SYNGR4: variants seen among roughly 807,000 people sequenced by gnomAD.
The protein encoded by SYNGR4 is synaptogyrin-4.
A neutral mutation model predicts 15.5 loss-of-function variants in SYNGR4; 15 were observed. The ratio of observed to expected loss-of-function variants is 0.97; its 90% CI spans 0.65 to 1.49. The LOEUF (loss-of-function observed/expected upper bound fraction) is 1.49. Among genes scored for constraint, SYNGR4 ranks in the 40% most tolerant of loss-of-function variants. SYNGR4 has a pLI of 0.00. For synonymous variants in SYNGR4, 121 were observed against 127.4 expected (o/e 0.95, Z 0.34); for missense variants, 292 against 299.3 (o/e 0.98, Z 0.18).
At chr19:48,370,682 C>T (rs1333850963) in intron 2 of SYNGR4, among the ~76,000 whole-genome samples, 8 of 152,250 alleles carry the variant, frequency 5.3e-5, no homozygotes, top group Admixed American at 2.0e-4. Flanking sequence ...GCCTTAACCT[C>T]CCAAAGCACT....
chr19:48,371,207 C>T (rs275843), intron 2 of SYNGR4, among the ~76,000 whole-genome samples: 27,355 of 152,146 alleles, frequency 0.18, 2,632 homozygotes, highest in South Asian at 0.32. Context: ...TCCACCCTGC[C>T]GGGAATGCCC....
At chr19:48,372,038 C>T (rs546973473) in intron 2 of SYNGR4, among the ~76,000 whole-genome samples, 1 of 151,588 alleles carries the variant, frequency 6.6e-6, no homozygotes, top group Non-Finnish European at 1.5e-5. Context: ...CACCACCACA[C>T]CCAGCTATTT....
chr19:48,373,241 T>G, intron 2 of SYNGR4: 8 of 446,398 alleles, frequency 1.8e-5, no homozygotes, highest in Admixed American at 3.4e-5. Context: ...CCTGGGGCCA[T>G]GGTGGAGATG....
At chr19:48,369,063 G>A (rs73942252) in intron 2 of SYNGR4, among the ~76,000 whole-genome samples, 11 of 152,264 alleles carry the variant, frequency 7.2e-5, no homozygotes, top group African/African-American at 2.4e-4. Context: ...AGGAAGAGCC[G>A]CCAACCATGC....
intron 2 of SYNGR4, among the ~76,000 whole-genome samples, chr19:48,371,902 CAG>C (rs1050161588): frequency 1.3e-5 from 2 of 151,652 alleles, no homozygotes; most frequent in African/African-American, 4.9e-5. Flanking sequence ...TGTTTTGAGA[CAG>C]AGTCTTGCTC....
chr19:48,367,879 C>T (rs1390169249), intron 2 of SYNGR4, among the ~76,000 whole-genome samples: 1 of 152,192 alleles, frequency 6.6e-6, no homozygotes, highest in South Asian at 2.1e-4. Flanking sequence ...TCCACCACTC[C>T]GCTTTAACAG....
At chr19:48,365,364 AC>A (rs1970187211) in intron 1 of SYNGR4, among the ~76,000 whole-genome samples, 1 of 34,560 alleles carries the variant, frequency 2.9e-5, no homozygotes, top group African/African-American at 1.1e-4. Flanking sequence ...ACCCCCCAGA[AC>A]CCCCATCCTA....
At chr19:48,366,509 G>A (rs891669769) in intron 2 of SYNGR4, among the ~76,000 whole-genome samples, 7 of 152,102 alleles carry the variant, frequency 4.6e-5, no homozygotes, top group East Asian at 3.9e-4. Flanking sequence ...GGGTTCAAGC[G>A]ATTCTCCTGC....
rs1381148809 is a variant in SYNGR4, at chr19:48,365,403, GCC to G, written c.-107-329_-107-328del. 1.4e-3 allele frequency among the ~76,000 whole-genome samples: 41 copies of G among 29,588 alleles called. 4 individuals carry two copies. Among genetic ancestry groups the G allele is most frequent in the Non-Finnish European group, 1.5e-3 (22 of 14,362 alleles). The allele number at this position is 29,588 out of a possible 152,430, so 19.4% of individuals were successfully genotyped here. A position where few individuals can be genotyped will look rare whatever the true frequency, so the allele number is the denominator to read the frequency against. On this transcript the variant is annotated intron_variant, in intron 1 of 4. Transcript: ENST00000344846. ...CCTCCCACTTCTGGGACCCCTAGTA[GCC>G]CCCTCACCACACAACCCCATTCCTG... is the stretch of plus-strand genomic sequence containing the variant.
chr19:48,364,996 C>T (rs962995915), intron 1 of SYNGR4, among the ~76,000 whole-genome samples: 4 of 151,554 alleles, frequency 2.6e-5, no homozygotes, highest in African/African-American at 9.7e-5. Context: ...ACTTCTGGAA[C>T]CTGAAGCAGC....
intron 3 of SYNGR4, among the ~76,000 whole-genome samples, chr19:48,375,104 T>A (rs1970381320): frequency 6.8e-6 from 1 of 146,892 alleles, no homozygotes; most frequent in African/African-American, 2.5e-5. Context: ...CAGCTCACTG[T>A]AACCTCCGCC....
intron 4 of SYNGR4, 84 bp from the exon 5 acceptor site, chr19:48,376,001 C>T: frequency 6.3e-7 from 1 of 1,598,748 alleles, no homozygotes. Flanking sequence ...CTTTTGTCTC[C>T]TTCCCAGGCC....
chr19:48,373,206 G>C (rs1371295279), intron 2 of SYNGR4: 2 of 361,340 alleles, frequency 5.5e-6, no homozygotes, highest in Non-Finnish European at 1.1e-5. Flanking sequence ...CTGTGGCAGG[G>C]AGGGGCAGGG....
chr19:48,376,200 A>C lies in SYNGR4; in HGVS notation c.587A>C (p.Asn196Thr). The C allele has an allele frequency of 6.2e-7, 1 of 1,614,040 alleles. No individual in the cohort carries two copies. The highest frequency in any genetic ancestry group is 8.5e-7 in the Non-Finnish European group (1 of 1,180,004). ...ACCACCCTCCCCTTGCCCTCTGCCA[A>C]CAGCCCTGTGAACATGCCCACCACT... is the stretch of plus-strand genomic sequence containing the variant. ...VLTTLPLPSA[N>T]SPVNMPTTGP... The change falls in exon 5 of 5, where the codon AAC becomes ACC. Residue 196 changes from asparagine to threonine, a missense_variant. Asn to Thr is a moderately conservative substitution (Grantham distance 65). Transcript: ENST00000344846.
At chr19:48,364,749 C>A (rs1970162825) in intron 1 of SYNGR4, among the ~76,000 whole-genome samples, 1 of 152,062 alleles carries the variant, frequency 6.6e-6, no homozygotes, top group South Asian at 2.1e-4. Context: ...ACCCCCAAAC[C>A]TGAAAGGGAT....
chr19:48,375,846 C>T, intron 4 of SYNGR4, 94 bp downstream of exon 4: 1 of 1,549,016 alleles, frequency 6.5e-7, no homozygotes. Context: ...TCACTTAGCT[C>T]CCCTGGGGGT....
At chr19:48,374,845 G>A (rs1195608310) in intron 3 of SYNGR4, among the ~76,000 whole-genome samples, 3 of 151,810 alleles carry the variant, frequency 2.0e-5, no homozygotes, top group East Asian at 3.9e-4. Flanking sequence ...GCAGGGAGGC[G>A]AGTGCCTGTA....
rs768506277 is a variant in SYNGR4, at chr19:48,365,937, T to A, written c.93+2T>A. ...ACCATCACGCGGGTCTTCGAAGGGG[T>A]GAGGCCCTCCCATGGCCCGACTGTG... On this transcript the variant is annotated splice_donor_variant, in intron 2 of 4. Coordinates refer to ENST00000344846, the MANE Select transcript of SYNGR4 (RefSeq NM_012451.4). LOFTEE classifies it high-confidence loss of function. 1.2e-6 allele frequency: 2 copies of A among 1,613,098 alleles called. No individual in the cohort carries two copies. Among genetic ancestry groups the A allele is most frequent in the African/African-American group, 2.7e-5 (2 of 74,974 alleles).
chr19:48,371,740 G>A (rs2147407055), intron 2 of SYNGR4, among the ~76,000 whole-genome samples: 1 of 151,670 alleles, frequency 6.6e-6, no homozygotes, highest in South Asian at 2.1e-4. Flanking sequence ...ACCACACTGA[G>A]CTAATTTTTT....
Sources: gnomAD v4.1 joint callset for allele counts (sites outside exome capture counted in the v4.1 genomes callset) on GRCh38, gnomAD v4.1.1 for gene constraint, MANE v1.5 for transcripts, NCBI Gene and HGNC (gene_info 2026-07-23, HGNC 2026-07-21) for gene names.